PLPPR5: variants seen among roughly 807,000 people sequenced by gnomAD.
The protein encoded by PLPPR5 is phospholipid phosphatase related 5, also known as phospholipid phosphatase-related protein type 5.
PLPPR5 carries 16 observed loss-of-function variants against 33.9 expected under a neutral mutation model. The ratio of observed to expected loss-of-function variants is 0.47; its 90% confidence interval spans 0.32 to 0.72. The LOEUF is 0.72. Ranked by LOEUF, PLPPR5 falls within the 30% of genes least tolerant of loss-of-function variation. The pLI is 0.03. For synonymous variants in PLPPR5, 163 were observed against 150.3 expected (o/e 1.08, Z -0.62); for missense variants, 301 against 406.7 (o/e 0.74, Z 2.23).
chr1:98,907,704 C>A (rs890709566), intron 5 of PLPPR5, among the ~76,000 whole-genome samples: 2 of 152,140 alleles, frequency 1.3e-5, no homozygotes, highest in Admixed American at 1.3e-4. Context: ...GGGAATCCTC[C>A]ACTTAGATCC....
At chr1:98,986,820 G>C (rs999401507) in intron 1 of PLPPR5, among the ~76,000 whole-genome samples, 2 of 151,782 alleles carry the variant, frequency 1.3e-5, no homozygotes, top group African/African-American at 2.4e-5. Flanking sequence ...GGTTTTCTTG[G>C]AGAGTTGATC....
At chr1:98,953,696 T>C (rs309062) in intron 2 of PLPPR5, among the ~76,000 whole-genome samples, 84,066 of 151,922 alleles carry the variant, frequency 0.55, 23,977 homozygotes, top group East Asian at 0.72. Context: ...ATTTCCTTTT[T>C]TCCCCCATTT....
At chr1:98,922,094 A>C in intron 3 of PLPPR5, 36 bp from the exon 4 acceptor site, 1 of 1,595,336 alleles carries the variant, frequency 6.3e-7, no homozygotes, top group African/African-American at 1.3e-5. Flanking sequence ...CTTTTCATGA[A>C]GGTATTTCCT....
intron 1 of PLPPR5, among the ~76,000 whole-genome samples, chr1:98,985,083 G>A (rs967298234): frequency 3.9e-5 from 6 of 152,014 alleles, no homozygotes; most frequent in African/African-American, 1.4e-4. Flanking sequence ...TCTTAACTTG[G>A]CTTCCTACCT....
chr1:98,972,305 A>C (rs954126313), intron 1 of PLPPR5, among the ~76,000 whole-genome samples: 5 of 152,150 alleles, frequency 3.3e-5, no homozygotes, highest in Non-Finnish European at 5.9e-5. Context: ...ACAAATACTT[A>C]GACATTGCCT....
chr1:98,981,177 T>C (rs1387047225), intron 1 of PLPPR5, among the ~76,000 whole-genome samples: 1 of 152,052 alleles, frequency 6.6e-6, no homozygotes, highest in African/African-American at 2.4e-5. Context: ...GAGAGGTAGA[T>C]TTAGAGGCCC....
At chr1:98,984,433 G>T (rs12087953) in intron 1 of PLPPR5, among the ~76,000 whole-genome samples, 14,484 of 151,940 alleles carry the variant, frequency 0.095, 848 homozygotes, top group East Asian at 0.25. Context: ...AGCTTCAAAC[G>T]CTTACAAAAA....
Position 98,890,438 on chromosome 1 carries a change from C to G in PLPPR5, c.*2634G>C, listed in dbSNP as rs1648232879. The G allele has an allele frequency of 6.6e-6, 1 of 152,432 alleles. No individual in the cohort carries two copies. The highest frequency in any genetic ancestry group is 1.5e-5 in the Non-Finnish European group (1 of 67,972). The allele number at this position is 152,432 out of a possible 1,614,324, so 9.4% of individuals were successfully genotyped here. ...AATACAAAGTCTGTCAAAGAAGATT[C>G]ACCTCTCTTTTAACATAAAAGAGCC... On this transcript the variant is annotated 3_prime_UTR_variant, in exon 6 of 6. Transcript: ENST00000263177.
chr1:98,922,444 G>A (rs779980692), intron 3 of PLPPR5, among the ~76,000 whole-genome samples: 2 of 152,068 alleles, frequency 1.3e-5, no homozygotes, highest in Admixed American at 6.5e-5. Context: ...GGAAGCTGTT[G>A]AAGTGTTTAA....
intron 5 of PLPPR5, among the ~76,000 whole-genome samples, chr1:98,904,691 C>T (rs187142903): frequency 7.8e-4 from 119 of 152,188 alleles, no homozygotes; most frequent in African/African-American, 2.6e-3. Flanking sequence ...GAGAGAAGGA[C>T]GACAGAGCTC....
chr1:98,957,652 G>A (rs1028444672), intron 1 of PLPPR5, among the ~76,000 whole-genome samples: 1 of 152,046 alleles, frequency 6.6e-6, no homozygotes, highest in Non-Finnish European at 1.5e-5. Flanking sequence ...CTTTGACTTT[G>A]AGAGCCTCCT....
intron 1 of PLPPR5, among the ~76,000 whole-genome samples, chr1:98,985,538 A>G (rs972776537): frequency 1.3e-5 from 2 of 152,002 alleles, no homozygotes; most frequent in East Asian, 3.9e-4. Context: ...GTGTACAGTA[A>G]TGTCCTAGGC....
chr1:98,956,817 G>T, intron 1 of PLPPR5, 76 bp from the exon 2 acceptor site: 1 of 1,128,004 alleles, frequency 8.9e-7, no homozygotes, highest in Non-Finnish European at 1.2e-6. Flanking sequence ...TTTTAAAAAT[G>T]TAAAATGGAG....
chr1:98,981,444 G>A (rs1365983090), intron 1 of PLPPR5, among the ~76,000 whole-genome samples: 7 of 151,910 alleles, frequency 4.6e-5, no homozygotes, highest in Admixed American at 3.3e-4. Flanking sequence ...GAGAACACTC[G>A]TCCTTCACTT....
chr1:98,999,615 C>T (rs776492630), intron 1 of PLPPR5, among the ~76,000 whole-genome samples: 7 of 152,198 alleles, frequency 4.6e-5, no homozygotes, highest in Non-Finnish European at 7.3e-5. Context: ...CACCACACCA[C>T]GGGAATGTTC....
intron 1 of PLPPR5, among the ~76,000 whole-genome samples, chr1:98,965,564 A>G (rs1012499491): frequency 6.6e-6 from 1 of 152,208 alleles, no homozygotes; most frequent in African/African-American, 2.4e-5. Context: ...ACAAGAATGC[A>G]GGTGTGAATC....
intron 3 of PLPPR5, among the ~76,000 whole-genome samples, chr1:98,947,951 T>G (rs902511316): frequency 1.3e-5 from 2 of 152,240 alleles, no homozygotes; most frequent in African/African-American, 4.8e-5. Flanking sequence ...CAGCATTACA[T>G]TACGCCTAAG....
At chr1:98,915,259 T>C (rs77713504) in intron 4 of PLPPR5, among the ~76,000 whole-genome samples, 2,686 of 152,282 alleles carry the variant, frequency 0.018, 84 homozygotes, top group African/African-American at 0.061. Flanking sequence ...TAAAAATTCA[T>C]AGCAAGCTAA....
intron 1 of PLPPR5, among the ~76,000 whole-genome samples, chr1:98,963,145 C>T (rs947918288): frequency 6.6e-6 from 1 of 152,170 alleles, no homozygotes; most frequent in African/African-American, 2.4e-5. Context: ...TTCCATACAT[C>T]CAGGTTTTTA....
Sources: allele counts gnomAD v4.1 joint callset (sites outside exome capture counted in the v4.1 genomes callset), GRCh38; gene constraint gnomAD v4.1.1; transcripts MANE v1.5; gene names NCBI Gene and HGNC (gene_info 2026-07-23, HGNC 2026-07-21).